DEPDC5: variants seen among roughly 807,000 people sequenced by gnomAD.
DEPDC5 encodes the protein DEP domain containing 5, GATOR1 subcomplex subunit, also known as GATOR1 complex protein DEPDC5.
A neutral mutation model predicts 217.3 loss-of-function variants in DEPDC5; 73 were observed. The observed-to-expected ratio is 0.34, with a 90% CI of 0.28 to 0.41. DEPDC5 has a LOEUF of 0.41. Ranked by LOEUF, DEPDC5 falls within the 10% of genes least tolerant of loss-of-function variation. The probability of loss-of-function intolerance (pLI) is 1.00; values close to 1 mark genes in which losing one functional copy is unlikely to be tolerated. For missense variants in DEPDC5, 1,675 were observed against 2,070.1 expected (o/e 0.81, Z 3.70); for synonymous variants, 733 against 756.7 (o/e 0.97, Z 0.51).
intron 31 of DEPDC5, among the ~76,000 whole-genome samples, chr22:31,851,463 G>C (rs966139341): frequency 6.6e-6 from 1 of 152,200 alleles, no homozygotes; most frequent in African/African-American, 2.4e-5. Flanking sequence ...AGCTAGATCA[G>C]GTTCCTCCCT....
intron 35 of DEPDC5, 58 bp downstream of exon 35, chr22:31,873,390 A>C: frequency 6.4e-7 from 1 of 1,574,424 alleles, no homozygotes; most frequent in South Asian, 1.1e-5. Flanking sequence ...TGCCACAGCC[A>C]TGTTTAGGCA....
Position 31,837,004 on chromosome 22 carries a change from G to A in DEPDC5, c.2203G>A (p.Gly735Ser), listed in dbSNP as rs2091055264. Residue 735 changes from glycine to serine, a missense_variant, in exon 26 of 43, where the codon GGC becomes AGC. Transcript: ENST00000651528. Reference protein sequence around the residue: ...LTLSAPPVVPGFCCTVGVDWK... With the variant: ...LTLSAPPVVPSFCCTVGVDWK... ...ACTGTCTGCTCCCCCTGTAGTGCCAGGCTTCTGTTGCACAGTTGGAGTGGA... is the reference window on the plus strand; with the variant it reads ...ACTGTCTGCTCCCCCTGTAGTGCCAAGCTTCTGTTGCACAGTTGGAGTGGA... 1.9e-6 allele frequency: 3 copies of A among 1,613,978 alleles called. No individual in the cohort carries two copies. Among genetic ancestry groups the A allele is most frequent in the Middle Eastern group, 3.3e-4 (2 of 6,062 alleles).
At chr22:31,756,738 T>A (rs1370415640) in intron 2 of DEPDC5, among the ~76,000 whole-genome samples, 1 of 151,664 alleles carries the variant, frequency 6.6e-6, no homozygotes, top group Non-Finnish European at 1.5e-5. Flanking sequence ...CTGGCCAACA[T>A]AGTGAAACCC....
At chr22:31,790,404 A>G (rs1051351673) in intron 10 of DEPDC5, among the ~76,000 whole-genome samples, 3 of 152,150 alleles carry the variant, frequency 2.0e-5, no homozygotes, top group African/African-American at 7.2e-5. Context: ...TAAACACCCT[A>G]CTTCTAGGAT....
intron 12 of DEPDC5, among the ~76,000 whole-genome samples, chr22:31,796,996 C>CTT (rs138290): frequency 2.0e-4 from 26 of 132,550 alleles, no homozygotes; most frequent in African/African-American, 1.9e-4. Flanking sequence ...TGCCCAGCCT[C>CTT]TTTTTTTTTT....
In DEPDC5 at chr22:31,771,723, A is replaced by T. The variant is rs1347045298; in HGVS notation, c.413+2860A>T. ...GACAGAGCAAGACTCCGTCACACAC[A>T]CACACACACACACACACACACACAC... is the stretch of plus-strand genomic sequence containing the variant. On this transcript the variant is annotated intron_variant, in intron 7 of 42. Transcript: ENST00000651528. 3.2e-4 allele frequency among the ~76,000 whole-genome samples: 14 copies of T among 43,252 alleles called. No homozygotes were observed. The South Asian group carries it at 5.2e-3, about 16-fold the overall frequency. 28.4% of individuals were successfully genotyped at this position (43,252 alleles called of 152,430 possible).
At chr22:31,889,811 T>C (rs2093401330) in intron 38 of DEPDC5, among the ~76,000 whole-genome samples, 1 of 152,188 alleles carries the variant, frequency 6.6e-6, no homozygotes, top group South Asian at 2.1e-4. Context: ...GTGTTGGGAT[T>C]ACAGGTGTGA....
At chr22:31,818,184 A>G (rs543851145) in intron 21 of DEPDC5, among the ~76,000 whole-genome samples, 42 of 152,326 alleles carry the variant, frequency 2.8e-4, no homozygotes, top group African/African-American at 9.4e-4. Context: ...CCTGTCTACC[A>G]TTGCGCCAGA....
At chr22:31,777,047 C>T (rs2083935384) in intron 7 of DEPDC5, among the ~76,000 whole-genome samples, 1 of 151,512 alleles carries the variant, frequency 6.6e-6, no homozygotes, top group Admixed American at 6.6e-5. Flanking sequence ...ACTGAAACCT[C>T]CGCCTCCTGG....
rs138284 is a variant in DEPDC5, at chr22:31,754,052, A to AG, written c.-173_-172insG. On this transcript the variant is annotated 5_prime_UTR_variant, in exon 1 of 43. Coordinates refer to ENST00000651528, the MANE Select transcript of DEPDC5 (RefSeq NM_001242896.3). ...TAGGCGCTTCAGGCTTAGGGGCGGA[A>AG]CAGCGCGGGCCGCGCGGGCGTAGGC... The AG allele has an allele frequency of 1, 153,377 of 153,380 alleles. 76,687 individuals are homozygous for AG. The highest frequency in any genetic ancestry group is 1 in the Non-Finnish European group (68,906 of 68,906). The allele number at this position is 153,380 out of a possible 1,614,324, so 9.5% of individuals were successfully genotyped here. A position where few individuals can be genotyped will look rare whatever the true frequency, so the allele number is the denominator to read the frequency against.
At chr22:31,795,227 AC>A (rs1384239726) in intron 12 of DEPDC5, among the ~76,000 whole-genome samples, 2 of 150,626 alleles carry the variant, frequency 1.3e-5, no homozygotes, top group Non-Finnish European at 3.0e-5. Context: ...CTGCCATCAC[AC>A]CTGGCTAATT....
At chr22:31,793,602 C>T (rs2085926235) in intron 12 of DEPDC5, among the ~76,000 whole-genome samples, 1 of 152,038 alleles carries the variant, frequency 6.6e-6, no homozygotes, top group African/African-American at 2.4e-5. Flanking sequence ...GACACAATTT[C>T]ACTCTCTCGC....
At chr22:31,871,330 C>T (rs1310512479) in intron 34 of DEPDC5, among the ~76,000 whole-genome samples, 1 of 152,202 alleles carries the variant, frequency 6.6e-6, no homozygotes, top group Non-Finnish European at 1.5e-5. Context: ...CGAAGCAGTC[C>T]TTGGCAAAAT....
intron 33 of DEPDC5, among the ~76,000 whole-genome samples, chr22:31,865,001 G>A (rs1435740761): frequency 7.3e-6 from 1 of 137,644 alleles, no homozygotes; most frequent in Non-Finnish European, 1.5e-5. Context: ...TAATTTTGTA[G>A]TTTTAGTAGA....
At chr22:31,891,866 T>C (rs555560450) in intron 38 of DEPDC5, among the ~76,000 whole-genome samples, 1 of 152,276 alleles carries the variant, frequency 6.6e-6, no homozygotes, top group East Asian at 1.9e-4. Flanking sequence ...TCTGAGCGTA[T>C]TTTAGGGCCT....
At chr22:31,810,418 T>G in intron 19 of DEPDC5, 103 bp from the exon 20 acceptor site, 1 of 1,546,150 alleles carries the variant, frequency 6.5e-7, no homozygotes, top group Admixed American at 1.9e-5. Context: ...GGCCTCTGTT[T>G]GAAATGTATT....
At position 31,843,156 on chromosome 22, in the gene DEPDC5, G is replaced by T. The variant is rs375938114; in HGVS notation, c.2577G>T (p.Thr859=). 3 of 1,614,140 alleles carry T rather than the reference G, an allele frequency of 1.9e-6. No homozygotes were observed. In the South Asian group the frequency reaches 3.3e-5, roughly 18 times the overall value. The change falls in exon 28 of 43, where the codon ACG becomes ACT. Residue 859 remains threonine, a synonymous_variant. Coordinates refer to ENST00000651528, the MANE Select transcript of DEPDC5 (RefSeq NM_001242896.3). ...AGTATTGGCTGAGTATGGGCAGAAC[G>T]TTCCACAAAGTGACGCTGAAGGATA... ...EDQYWLSMGR[T]FHKVTLKDKM...
At chr22:31,804,642 G>T (rs1335624185) in intron 16 of DEPDC5, among the ~76,000 whole-genome samples, 200 bp from the exon 17 acceptor site, 1 of 152,222 alleles carries the variant, frequency 6.6e-6, no homozygotes, top group Non-Finnish European at 1.5e-5. Flanking sequence ...GTTTCACCAT[G>T]TTGGCCAGGC....
rs570614095 is a variant in DEPDC5, at chr22:31,822,405, GGGCATAGGGA to G, written c.2007-268_2007-259del. Reference sequence around the variant, plus strand: ...TCCTTGTTTGTAAAAGGGAGGCATAGGGCATAGGGAGGCATAGGGAGGCATAGGGCAGACA... The same window carrying G: ...TCCTTGTTTGTAAAAGGGAGGCATAGGGCATAGGGAGGCATAGGGCAGACA... On this transcript the variant is annotated intron_variant, in intron 23 of 42. Coordinates refer to ENST00000651528, the MANE Select transcript of DEPDC5 (RefSeq NM_001242896.3). Among the ~76,000 whole-genome samples the G allele has an allele frequency of 4.5e-3, 682 of 152,160 alleles. 1 individual carries two copies. The highest frequency in any genetic ancestry group is 0.014 in the African/African-American group (564 of 41,496).
Sources: gnomAD v4.1 joint callset for allele counts (sites outside exome capture counted in the v4.1 genomes callset) on GRCh38, gnomAD v4.1.1 for gene constraint, MANE v1.5 for transcripts, NCBI Gene and HGNC (gene_info 2026-07-23, HGNC 2026-07-21) for gene names.